Variants in TRIO observed in about 807,000 individuals in gnomAD.
TRIO encodes triple functional domain protein.
TRIO carries 58 observed loss-of-function variants against 351.9 expected under a neutral mutation model. The observed-to-expected ratio is 0.16, with a 90% CI of 0.13 to 0.21. The LOEUF is 0.21. Ranked by LOEUF, TRIO falls within the 10% of genes least tolerant of loss-of-function variation. TRIO has a pLI of 1.00. For synonymous variants in TRIO, 1,758 were observed against 1,595.7 expected (o/e 1.10, Z -2.42); for missense variants, 3,201 against 4,027.8 (o/e 0.79, Z 5.56).
chr5:14,147,309 G>C (rs530829584), intron 1 of TRIO, among the ~76,000 whole-genome samples: 1 of 152,254 alleles, frequency 6.6e-6, no homozygotes, highest in South Asian at 2.1e-4. Flanking sequence ...GCTCTTTCCT[G>C]GTCGCTTCTC....
intron 31 of TRIO, among the ~76,000 whole-genome samples, chr5:14,404,110 A>G (rs1325804138): frequency 6.6e-6 from 1 of 151,150 alleles, no homozygotes; most frequent in African/African-American, 2.4e-5. Flanking sequence ...AGGCAGTGGT[A>G]GAAGTAGAGG....
Position 14,487,641 on chromosome 5 carries a change from C to G in TRIO, c.7013C>G (p.Pro2338Arg). Residue 2338 changes from proline (P) to arginine (R), a missense_variant, in exon 48 of 57, where the codon CCC becomes CGC. Physicochemically the swap from Pro to Arg is moderately radical, Grantham distance 103. Coordinates refer to ENST00000344204, the MANE Select transcript of TRIO (RefSeq NM_007118.4). ...GCCCCCAGCACGAGCAGGAGCCGGCCCTCCCGGATCCCCCAGCCTGTCCGA... is the reference window on the plus strand; with the variant it reads ...GCCCCCAGCACGAGCAGGAGCCGGCGCTCCCGGATCCCCCAGCCTGTCCGA... ...GGAPSTSRSR[P>R]SRIPQPVRHH... 1 of 1,254,640 alleles carries G rather than the reference C, an allele frequency of 8.0e-7. No homozygotes were observed. The highest frequency in any genetic ancestry group is 1.0e-6 in the Non-Finnish European group (1 of 988,112). The allele number at this position is 1,254,640 out of a possible 1,614,324, so 77.7% of individuals were successfully genotyped here. A position where few individuals can be genotyped will look rare whatever the true frequency, so the allele number is the denominator to read the frequency against.
intron 1 of TRIO, among the ~76,000 whole-genome samples, chr5:14,194,942 A>C (rs561485657): frequency 6.6e-6 from 1 of 152,036 alleles, no homozygotes; most frequent in South Asian, 2.1e-4. Flanking sequence ...ACCTAGATAA[A>C]CTTTTTTTTT....
intron 1 of TRIO, among the ~76,000 whole-genome samples, chr5:14,172,759 C>G (rs1032397929): frequency 3.9e-5 from 6 of 152,214 alleles, no homozygotes; most frequent in African/African-American, 1.4e-4. Flanking sequence ...GATAAGTAAT[C>G]CCATCCTTTA....
intron 2 of TRIO, among the ~76,000 whole-genome samples, chr5:14,272,266 G>GT (rs1304757564): frequency 6.6e-6 from 1 of 152,188 alleles, no homozygotes; most frequent in Non-Finnish European, 1.5e-5. Context: ...GTGTTTATCA[G>GT]TTTTTTATTT....
chr5:14,213,706 A>G (rs907554147), intron 1 of TRIO, among the ~76,000 whole-genome samples: 6 of 152,236 alleles, frequency 3.9e-5, no homozygotes, highest in South Asian at 2.1e-4. Flanking sequence ...GTAAACATCT[A>G]TGAGCATTCT....
chr5:14,261,120 AT>A (rs1417201022), intron 1 of TRIO, among the ~76,000 whole-genome samples: 1 of 152,190 alleles, frequency 6.6e-6, no homozygotes, highest in African/African-American at 2.4e-5. Flanking sequence ...GAGGCTACTC[AT>A]GTGGAGATAA....
chr5:14,353,044 A>C (rs1008867693), intron 11 of TRIO, among the ~76,000 whole-genome samples: 2 of 152,148 alleles, frequency 1.3e-5, no homozygotes, highest in African/African-American at 4.8e-5. Context: ...AGGAGTAAAA[A>C]GATTTAAATG....
chr5:14,232,608 C>T (rs1793511458), intron 1 of TRIO, among the ~76,000 whole-genome samples: 1 of 152,156 alleles, frequency 6.6e-6, no homozygotes. Context: ...AATGGATGTT[C>T]ATACTTTTGT....
At chr5:14,325,116 G>A (rs1461921844) in intron 9 of TRIO, among the ~76,000 whole-genome samples, 1 of 152,228 alleles carries the variant, frequency 6.6e-6, no homozygotes, top group Non-Finnish European at 1.5e-5. Context: ...ATTCTAGGAA[G>A]TATTTGCAAT....
chr5:14,388,070 A>C, intron 23 of TRIO: 1 of 545,060 alleles, frequency 1.8e-6, no homozygotes, highest in East Asian at 3.0e-5. Context: ...CCTGTGTTTC[A>C]TTTGGAGTTG....
intron 10 of TRIO, among the ~76,000 whole-genome samples, chr5:14,332,127 T>C (rs769374608): frequency 6.6e-6 from 1 of 152,238 alleles, no homozygotes; most frequent in Non-Finnish European, 1.5e-5. Flanking sequence ...GCATCCTTCC[T>C]AAGTACCTGC....
chr5:14,265,168 G>T (rs1795596332), intron 1 of TRIO, among the ~76,000 whole-genome samples: 2 of 149,558 alleles, frequency 1.3e-5, no homozygotes, highest in Non-Finnish European at 3.0e-5. Context: ...ACAGGCAAAT[G>T]AAACCCCTGA....
intron 1 of TRIO, among the ~76,000 whole-genome samples, chr5:14,218,152 A>G (rs1792344023): frequency 6.6e-6 from 1 of 152,236 alleles, no homozygotes. Flanking sequence ...GCACAAGGGC[A>G]TGTTTTCATC....
chr5:14,485,481 G>T (rs1755850490), intron 47 of TRIO, among the ~76,000 whole-genome samples: 1 of 152,198 alleles, frequency 6.6e-6, no homozygotes, highest in Non-Finnish European at 1.5e-5. Context: ...TGAGTAATTT[G>T]CTTCGAGTCC....
chr5:14,489,542 A>G (rs985850834), intron 48 of TRIO, among the ~76,000 whole-genome samples: 1 of 152,242 alleles, frequency 6.6e-6, no homozygotes, highest in Non-Finnish European at 1.5e-5. Flanking sequence ...CTCAGTATCC[A>G]GGTGTGGCCT....
chr5:14,213,294 T>C (rs1200915103), intron 1 of TRIO, among the ~76,000 whole-genome samples: 1 of 151,140 alleles, frequency 6.6e-6, no homozygotes, highest in Non-Finnish European at 1.5e-5. Context: ...CAGGTTAATA[T>C]ATGTAAACTA....
At chr5:14,431,632 A>G (rs1751151562) in intron 34 of TRIO, among the ~76,000 whole-genome samples, 1 of 152,184 alleles carries the variant, frequency 6.6e-6, no homozygotes, top group South Asian at 2.1e-4. Context: ...ACTGTCTCAA[A>G]AACATTTAGA....
At chr5:14,317,638 G>A (rs1393001741) in intron 9 of TRIO, among the ~76,000 whole-genome samples, 8 of 152,214 alleles carry the variant, frequency 5.3e-5, no homozygotes, top group Admixed American at 5.2e-4. Context: ...GAGATTCTCT[G>A]TATGTCATTC....
Sources: allele counts gnomAD v4.1 joint callset (sites outside exome capture counted in the v4.1 genomes callset), GRCh38; gene constraint gnomAD v4.1.1; transcripts MANE v1.5; gene names NCBI Gene and HGNC (gene_info 2026-07-23, HGNC 2026-07-21).